SDK1: variants seen among roughly 807,000 people sequenced by gnomAD.
The protein encoded by SDK1 is sidekick cell adhesion molecule 1.
Under a neutral mutation model 245.5 loss-of-function variants are expected in SDK1, and 157 were observed. The ratio of observed to expected loss-of-function variants is 0.64; its 90% confidence interval spans 0.56 to 0.73. SDK1 has a LOEUF of 0.73. SDK1 is among the 30% of genes least tolerant of loss of function. The probability of loss-of-function intolerance (pLI) is 0.00; values close to 1 mark genes in which losing one functional copy is unlikely to be tolerated. For missense variants in SDK1, 3,583 were observed against 3,002.3 expected (o/e 1.19, Z -4.52); for synonymous variants, 1,647 against 1,278.5 (o/e 1.29, Z -6.15).
intron 19 of SDK1, among the ~76,000 whole-genome samples, chr7:4,066,099 A>G (rs371148202): frequency 9.9e-5 from 15 of 152,152 alleles, no homozygotes; most frequent in African/African-American, 2.9e-4. Context: ...GCTGATACAT[A>G]CAGAAACTGA....
At chr7:4,124,868 G>T (rs1784277373) in intron 25 of SDK1, among the ~76,000 whole-genome samples, 1 of 152,040 alleles carries the variant, frequency 6.6e-6, no homozygotes, top group South Asian at 2.1e-4. Context: ...TGGATGGATG[G>T]GTGGATGGTA....
intron 44 of SDK1, 60 bp from the exon 45 acceptor site, chr7:4,265,064 A>C (rs1788371967): frequency 6.0e-6 from 9 of 1,500,264 alleles, no homozygotes; most frequent in Admixed American, 1.9e-5. Context: ...CCTCCTGCCC[A>C]GCACGCTCCG....
intron 1 of SDK1, among the ~76,000 whole-genome samples, chr7:3,474,920 G>C (rs1781306681): frequency 6.6e-6 from 1 of 152,060 alleles, no homozygotes; most frequent in Non-Finnish European, 1.5e-5. Flanking sequence ...TTGAACTCCT[G>C]GGCTCAAGTG....
intron 14 of SDK1, among the ~76,000 whole-genome samples, chr7:4,004,309 G>A (rs1445344963): frequency 6.6e-6 from 1 of 152,234 alleles, no homozygotes; most frequent in East Asian, 1.9e-4. Flanking sequence ...TATTTCAGGA[G>A]ATTCAACATG....
At chr7:3,529,186 G>A (rs945977213) in intron 1 of SDK1, among the ~76,000 whole-genome samples, 6 of 152,132 alleles carry the variant, frequency 3.9e-5, no homozygotes, top group African/African-American at 7.2e-5. Flanking sequence ...TTGGAAACAT[G>A]TATATATAGG....
At chr7:3,680,093 C>T (rs956562270) in intron 4 of SDK1, among the ~76,000 whole-genome samples, 15 of 152,248 alleles carry the variant, frequency 9.9e-5, no homozygotes, top group African/African-American at 3.6e-4. Context: ...GCATGGAATC[C>T]TTTGCGGCAA....
chr7:3,573,259 G>T (rs1418924401), intron 1 of SDK1, among the ~76,000 whole-genome samples: 1 of 152,134 alleles, frequency 6.6e-6, no homozygotes, highest in Non-Finnish European at 1.5e-5. Flanking sequence ...TTGGTGGGAC[G>T]ATGGCTGGAG....
chr7:3,346,789 G>GTA (rs1314667525), intron 1 of SDK1, among the ~76,000 whole-genome samples: 3 of 76,316 alleles, frequency 3.9e-5, no homozygotes, highest in South Asian at 4.7e-4. Flanking sequence ...ACATATATAT[G>GTA]TATGTGTGTG....
At chr7:3,444,905 A>T (rs969841966) in intron 1 of SDK1, among the ~76,000 whole-genome samples, 1 of 152,244 alleles carries the variant, frequency 6.6e-6, no homozygotes, top group Non-Finnish European at 1.5e-5. Flanking sequence ...GGTCTATGTG[A>T]TGTAGAGTAA....
chr7:4,237,195 TTTTTGTTTTG>T (rs925066304), intron 41 of SDK1, among the ~76,000 whole-genome samples: 7 of 152,050 alleles, frequency 4.6e-5, no homozygotes, highest in African/African-American at 1.7e-4. Context: ...CCTGGCTGTT[TTTTTGTTTTG>T]TTTTGTTTTG....
intron 13 of SDK1, among the ~76,000 whole-genome samples, chr7:3,975,948 G>GCTGCAAA (rs1562604793): frequency 1.1e-4 from 15 of 138,886 alleles, no homozygotes; most frequent in African/African-American, 3.2e-4. Context: ...CCGGGGCTGA[G>GCTGCAAA]GCTGCCACGC....
At chr7:3,953,021 C>T (rs931069949) in intron 7 of SDK1, among the ~76,000 whole-genome samples, 1 of 152,082 alleles carries the variant, frequency 6.6e-6, no homozygotes, top group Non-Finnish European at 1.5e-5. Context: ...AAGAGGTAGC[C>T]TTAGAGGCCG....
chr7:3,318,936 T>C (rs1262703891), intron 1 of SDK1, among the ~76,000 whole-genome samples: 1 of 152,080 alleles, frequency 6.6e-6, no homozygotes, highest in African/African-American at 2.4e-5. Context: ...ATACAGATGG[T>C]ACCTGGCAGA....
chr7:3,719,836 G>C (rs1483822732), intron 4 of SDK1, among the ~76,000 whole-genome samples: 1 of 152,004 alleles, frequency 6.6e-6, no homozygotes, highest in South Asian at 2.1e-4. Context: ...AATTAGCTGG[G>C]TGTGGTGGTG....
intron 17 of SDK1, among the ~76,000 whole-genome samples, chr7:4,035,656 A>G (rs901471876): frequency 6.6e-6 from 1 of 152,196 alleles, no homozygotes; most frequent in Non-Finnish European, 1.5e-5. Context: ...TAATGATTTT[A>G]CCTTTTAAAA....
chr7:3,582,179 G>C (rs1427742427), intron 1 of SDK1, among the ~76,000 whole-genome samples: 2 of 151,168 alleles, frequency 1.3e-5, no homozygotes, highest in Admixed American at 6.6e-5. Flanking sequence ...CCTCAGGTAG[G>C]CCTGTCTCAG....
chr7:3,821,383 A>G, intron 4 of SDK1, 67 bp from the exon 5 acceptor site: 1 of 1,543,914 alleles, frequency 6.5e-7, no homozygotes, highest in Non-Finnish European at 8.7e-7. Context: ...GGCCTAATTA[A>G]TTTTGTCTTA....
intron 5 of SDK1, among the ~76,000 whole-genome samples, chr7:3,830,738 C>T (rs996750108): frequency 3.3e-5 from 5 of 152,156 alleles, no homozygotes; most frequent in African/African-American, 7.2e-5. Flanking sequence ...CTCAAACAGT[C>T]GTCCTGTCTC....
intron 1 of SDK1, among the ~76,000 whole-genome samples, chr7:3,467,405 A>G (rs1781042234): frequency 6.6e-6 from 1 of 152,094 alleles, no homozygotes; most frequent in Admixed American, 6.5e-5. Context: ...TATATGTAGA[A>G]ATATAAAACC....
Sources: gnomAD v4.1 joint callset for allele counts (sites outside exome capture counted in the v4.1 genomes callset) on GRCh38, gnomAD v4.1.1 for gene constraint, MANE v1.5 for transcripts, NCBI Gene and HGNC (gene_info 2026-07-23, HGNC 2026-07-21) for gene names.